The following ARHGAP26 variants were observed in gnomAD, a reference collection of about 807,000 sequenced individuals.
ARHGAP26 encodes the protein Rho GTPase activating protein 26.
ARHGAP26 carries 38 observed loss-of-function variants against 104.8 expected under a neutral mutation model. The observed-to-expected ratio is 0.36, with a 90% confidence interval of 0.28 to 0.48. The LOEUF is 0.48. ARHGAP26 is among the 20% of genes least tolerant of loss of function. The pLI is 0.99. For missense variants in ARHGAP26, 704 were observed against 947.9 expected (o/e 0.74, Z 3.38); for synonymous variants, 341 against 340.0 (o/e 1.00, Z -0.03).
intron 20 of ARHGAP26, among the ~76,000 whole-genome samples, chr5:143,183,999 CT>C (rs1804780025): frequency 6.6e-6 from 1 of 152,216 alleles, no homozygotes; most frequent in African/African-American, 2.4e-5. Context: ...CCCTTTGCCC[CT>C]GTTCAGAAAC....
At chr5:143,206,126 G>T (rs775784251) in intron 20 of ARHGAP26, among the ~76,000 whole-genome samples, 9 of 152,184 alleles carry the variant, frequency 5.9e-5, no homozygotes, top group African/African-American at 1.4e-4. Flanking sequence ...ACATTTGTGT[G>T]TGCCTGCTAA....
intron 1 of ARHGAP26, among the ~76,000 whole-genome samples, chr5:142,842,323 A>G (rs761249675): frequency 1.3e-5 from 2 of 152,074 alleles, no homozygotes; most frequent in Non-Finnish European, 2.9e-5. Context: ...AAAAGAGAGG[A>G]GTGTGGAGTT....
chr5:143,155,971 G>GT (rs1800423375), intron 20 of ARHGAP26, among the ~76,000 whole-genome samples: 1 of 152,178 alleles, frequency 6.6e-6, no homozygotes, highest in African/African-American at 2.4e-5. Context: ...TTTTATTTGT[G>GT]TAAGTGTTAG....
intron 11 of ARHGAP26, among the ~76,000 whole-genome samples, chr5:142,952,455 C>G (rs989534321): frequency 5.9e-5 from 9 of 152,090 alleles, no homozygotes; most frequent in Non-Finnish European, 1.2e-4. Context: ...TTTCTCATTC[C>G]CCCTCAACAT....
intron 11 of ARHGAP26, among the ~76,000 whole-genome samples, chr5:142,972,180 T>TA (rs55877614): frequency 1.1e-3 from 152 of 142,536 alleles, no homozygotes; most frequent in Non-Finnish European, 1.5e-3. Flanking sequence ...AGATTCCATC[T>TA]AAAAAAAAAA....
At chr5:142,843,581 G>C (rs576492760) in intron 1 of ARHGAP26, among the ~76,000 whole-genome samples, 4 of 152,000 alleles carry the variant, frequency 2.6e-5, no homozygotes, top group Admixed American at 6.5e-5. Flanking sequence ...TATAATCCCT[G>C]TTTTTCTGCA....
chr5:143,131,306 G>A (rs1797325690), intron 18 of ARHGAP26, among the ~76,000 whole-genome samples: 2 of 152,098 alleles, frequency 1.3e-5, no homozygotes, highest in Non-Finnish European at 2.9e-5. Context: ...AATAGTAAAA[G>A]CTCACATTTT....
At chr5:143,094,892 G>A (rs1252206556) in intron 17 of ARHGAP26, among the ~76,000 whole-genome samples, 1 of 152,066 alleles carries the variant, frequency 6.6e-6, no homozygotes, top group Non-Finnish European at 1.5e-5. Flanking sequence ...GAGTCAGGGT[G>A]GAGTAGGTAA....
At chr5:143,108,353 G>A (rs927290798) in intron 17 of ARHGAP26, among the ~76,000 whole-genome samples, 2 of 152,094 alleles carry the variant, frequency 1.3e-5, no homozygotes, top group South Asian at 2.1e-4. Context: ...ACCTTTTACC[G>A]TATGAATTGA....
At chr5:143,019,271 T>C (rs1779996211) in intron 12 of ARHGAP26, among the ~76,000 whole-genome samples, 1 of 150,824 alleles carries the variant, frequency 6.6e-6, no homozygotes, top group African/African-American at 2.4e-5. Context: ...TTCTTAAGCT[T>C]TTTTTTTTGA....
intron 4 of ARHGAP26, among the ~76,000 whole-genome samples, chr5:142,883,020 C>G (rs777085439): frequency 1.3e-5 from 2 of 152,204 alleles, no homozygotes; most frequent in Non-Finnish European, 2.9e-5. Context: ...AATGGACACA[C>G]TCTCCCATCT....
At chr5:142,931,040 T>G (rs1451692606) in intron 10 of ARHGAP26, among the ~76,000 whole-genome samples, 1 of 152,216 alleles carries the variant, frequency 6.6e-6, no homozygotes, top group Non-Finnish European at 1.5e-5. Context: ...GGACTTTAGT[T>G]CTTGCTCAGT....
At chr5:143,003,666 C>T (rs1302404082) in intron 11 of ARHGAP26, among the ~76,000 whole-genome samples, 1 of 152,116 alleles carries the variant, frequency 6.6e-6, no homozygotes, top group Admixed American at 6.5e-5. Flanking sequence ...AGGTTGTCTG[C>T]AGCCATCAAG....
At position 142,804,190 on chromosome 5, in the gene ARHGAP26, C is replaced by T. The variant is rs1051978750; in HGVS notation, c.154+33275C>T. 3.9e-5 allele frequency among the ~76,000 whole-genome samples: 6 copies of T among 152,250 alleles called. No individual in the cohort carries two copies. In the South Asian group the frequency reaches 1.2e-3, roughly 32 times the overall value. Reference sequence around the variant, plus strand: ...ATTGCCAGTATGTAACAATTTTGACCTACAAAAAACGACAGTTTTATATGG... The same window carrying T: ...ATTGCCAGTATGTAACAATTTTGACTTACAAAAAACGACAGTTTTATATGG... On this transcript the variant is annotated intron_variant, in intron 1 of 22. Coordinates refer to ENST00000645722, the MANE Select transcript of ARHGAP26 (RefSeq NM_001135608.3).
intron 10 of ARHGAP26, among the ~76,000 whole-genome samples, chr5:142,923,675 C>T (rs945736780): frequency 1.3e-5 from 2 of 152,042 alleles, no homozygotes; most frequent in South Asian, 2.1e-4. Flanking sequence ...TTGGGCTTCC[C>T]GATGTTTTAC....
chr5:143,125,139 G>A (rs1328125927), intron 18 of ARHGAP26, among the ~76,000 whole-genome samples: 3 of 152,186 alleles, frequency 2.0e-5, no homozygotes, highest in African/African-American at 7.2e-5. Flanking sequence ...GGGTAATTCA[G>A]TTTCTTTAAC....
chr5:143,016,079 A>T (rs1779544753), intron 12 of ARHGAP26, among the ~76,000 whole-genome samples: 1 of 152,236 alleles, frequency 6.6e-6, no homozygotes, highest in South Asian at 2.1e-4. Context: ...GGAGTTGGCT[A>T]AATAAATTAA....
rs145809831 is a variant in ARHGAP26 at position 142,879,614 on chromosome 5, C to T, written c.384+169C>T. 2.9e-3 allele frequency among the ~76,000 whole-genome samples: 436 copies of T among 152,308 alleles called. 1 individual carries two copies. Among genetic ancestry groups the T allele is most frequent in the African/African-American group, 9.6e-3 (401 of 41,574 alleles). Reference sequence around the variant, plus strand: ...TAGAGCCCAACTCATCGGTTCTTTACGGGTGACTGAAGTACGACCATCTGA... The same window carrying T: ...TAGAGCCCAACTCATCGGTTCTTTATGGGTGACTGAAGTACGACCATCTGA... On this transcript the variant is annotated intron_variant, in intron 4 of 22. Coordinates refer to ENST00000645722, the MANE Select transcript of ARHGAP26 (RefSeq NM_001135608.3).
intron 11 of ARHGAP26, among the ~76,000 whole-genome samples, chr5:142,932,766 G>A (rs1257468257): frequency 6.6e-6 from 1 of 152,224 alleles, no homozygotes; most frequent in Admixed American, 6.5e-5. Flanking sequence ...GGAAATGTGT[G>A]CAAGGAAGAA....
Sources: allele counts gnomAD v4.1 joint callset (sites outside exome capture counted in the v4.1 genomes callset), GRCh38; gene constraint gnomAD v4.1.1; transcripts MANE v1.5; gene names NCBI Gene and HGNC (gene_info 2026-07-23, HGNC 2026-07-21).